Variants in RUNX2 observed in about 807,000 individuals in gnomAD.
RUNX2 encodes runt-related transcription factor 2.
In RUNX2, 10 loss-of-function variants were observed where a neutral mutation model predicts 51.7. The observed-to-expected ratio is 0.19, with a 90% CI of 0.12 to 0.33. The LOEUF is 0.33. Ranked by LOEUF, RUNX2 falls within the 10% of genes least tolerant of loss-of-function variation. RUNX2 has a pLI of 1.00. For missense variants in RUNX2, 562 were observed against 691.3 expected, an observed-to-expected ratio of 0.81 and a Z score of 2.10; for synonymous variants, 276 against 273.6, an observed-to-expected ratio of 1.01 and a Z score of -0.09.
intron 7 of RUNX2, among the ~76,000 whole-genome samples, chr6:45,535,327 G>A (rs1410280824): frequency 2.0e-5 from 3 of 152,132 alleles, no homozygotes; most frequent in Non-Finnish European, 2.9e-5. Flanking sequence ...CAAATGGGCC[G>A]GGGGCAGTGG....
At chr6:45,379,344 A>G (rs1563059680) in intron 2 of RUNX2, among the ~76,000 whole-genome samples, 1 of 152,234 alleles carries the variant, frequency 6.6e-6, no homozygotes, top group Non-Finnish European at 1.5e-5. Flanking sequence ...AGCTCTTTTG[A>G]GTACATTACC....
chr6:45,376,705 T>C (rs948374677), intron 2 of RUNX2, among the ~76,000 whole-genome samples: 4 of 152,240 alleles, frequency 2.6e-5, no homozygotes, highest in African/African-American at 9.6e-5. Context: ...CTGTTTCTCA[T>C]AGGCAAATTC....
At chr6:45,486,753 T>G (rs1347923499) in intron 5 of RUNX2, among the ~76,000 whole-genome samples, 1 of 152,204 alleles carries the variant, frequency 6.6e-6, no homozygotes, top group Non-Finnish European at 1.5e-5. Context: ...AATGTAAGTT[T>G]CTGGCTGGGG....
intron 5 of RUNX2, among the ~76,000 whole-genome samples, chr6:45,441,464 T>C (rs1798840679): frequency 6.6e-6 from 1 of 152,244 alleles, no homozygotes; most frequent in African/African-American, 2.4e-5. Flanking sequence ...ACCTTCCTCA[T>C]CAGTTGCTGC....
Position 45,424,599 on chromosome 6 carries a change from C to T in RUNX2, c.423+1642C>T, listed in dbSNP as rs1798333750. The stretch of plus-strand genomic sequence containing the variant: ...GTTTCTCCGCTGGGGACCCTGGGGC[C>T]AAACTCCCACGGGCCACTGACAGTT... On this transcript the variant is annotated intron_variant, in intron 3 of 8. Coordinates refer to ENST00000647337, the MANE Select transcript of RUNX2 (RefSeq NM_001024630.4). Among the ~76,000 whole-genome samples the T allele has an allele frequency of 3.9e-5, 6 of 152,146 alleles. 1 individual carries two copies. The South Asian group carries it at 1.2e-3, about 32-fold the overall frequency.
At chr6:45,517,310 T>C (rs907233724) in intron 7 of RUNX2, among the ~76,000 whole-genome samples, 1 of 152,038 alleles carries the variant, frequency 6.6e-6, no homozygotes, top group African/African-American at 2.4e-5. Context: ...GCCTCCTGAG[T>C]AGCTGGGACT....
At chr6:45,371,459 T>A (rs1417439956) in intron 2 of RUNX2, among the ~76,000 whole-genome samples, 1 of 151,118 alleles carries the variant, frequency 6.6e-6, no homozygotes, top group African/African-American at 2.4e-5. Context: ...ATGAGGAAAC[T>A]AAGACTGGCT....
At chr6:45,537,052 A>C (rs958189761) in intron 7 of RUNX2, among the ~76,000 whole-genome samples, 1 of 152,118 alleles carries the variant, frequency 6.6e-6, no homozygotes, top group Non-Finnish European at 1.5e-5. Flanking sequence ...CCCTTTTAGG[A>C]TGGAAATGTT....
intron 7 of RUNX2, among the ~76,000 whole-genome samples, chr6:45,525,945 T>C (rs4714859): frequency 0.36 from 54,060 of 151,548 alleles, 11,093 homozygotes; most frequent in African/African-American, 0.58. Flanking sequence ...TAAGCTGAGA[T>C]TGTGCCACTG....
At chr6:45,460,287 A>C (rs1483005460) in intron 5 of RUNX2, among the ~76,000 whole-genome samples, 1 of 152,204 alleles carries the variant, frequency 6.6e-6, no homozygotes, top group Admixed American at 6.5e-5. Flanking sequence ...GTCCCAAAGA[A>C]TGTGGTATTC....
intron 5 of RUNX2, among the ~76,000 whole-genome samples, chr6:45,458,119 T>C (rs928946720): frequency 1.2e-4 from 18 of 150,726 alleles, no homozygotes; most frequent in Admixed American, 2.0e-4. Flanking sequence ...CTCCGCCTCC[T>C]GGGTTCAAGA....
chr6:45,471,499 T>G (rs1249934544), intron 5 of RUNX2, among the ~76,000 whole-genome samples: 1 of 150,960 alleles, frequency 6.6e-6, no homozygotes, highest in East Asian at 1.9e-4. Flanking sequence ...GGCTGGAGTG[T>G]GGTGGCGCGA....
chr6:45,514,385 A>G (rs530911259), intron 7 of RUNX2, among the ~76,000 whole-genome samples: 14 of 152,312 alleles, frequency 9.2e-5, no homozygotes, highest in African/African-American at 3.1e-4. Flanking sequence ...GGGAGGCAGG[A>G]GCAGAAACTG....
chr6:45,457,328 T>G (rs1799344882), intron 5 of RUNX2, among the ~76,000 whole-genome samples: 1 of 152,180 alleles, frequency 6.6e-6, no homozygotes, highest in African/African-American at 2.4e-5. Context: ...AGAAGAAGGC[T>G]GCAAGTCAGG....
At chr6:45,453,498 T>G (rs1799232594) in intron 5 of RUNX2, among the ~76,000 whole-genome samples, 1 of 152,082 alleles carries the variant, frequency 6.6e-6, no homozygotes, top group Non-Finnish European at 1.5e-5. Context: ...CCACAAAAAG[T>G]GTTTGATTAT....
intron 6 of RUNX2, among the ~76,000 whole-genome samples, chr6:45,510,987 C>T (rs192966590): frequency 3.3e-5 from 5 of 152,082 alleles, no homozygotes; most frequent in African/African-American, 1.2e-4. Flanking sequence ...TTCCAAAGTC[C>T]GTGCATATTC....
intron 3 of RUNX2, among the ~76,000 whole-genome samples, chr6:45,428,347 T>C (rs1183682919): frequency 1.3e-5 from 2 of 152,140 alleles, no homozygotes; most frequent in African/African-American, 4.8e-5. Context: ...CTCTCAAACA[T>C]ATAATTATAC....
At chr6:45,505,876 G>A (rs950103680) in intron 6 of RUNX2, among the ~76,000 whole-genome samples, 3 of 152,286 alleles carry the variant, frequency 2.0e-5, no homozygotes, top group East Asian at 1.9e-4. Flanking sequence ...TCTTTAGAGC[G>A]TTTTTAAAAA....
intron 3 of RUNX2, among the ~76,000 whole-genome samples, chr6:45,423,662 C>G (rs901718728): frequency 6.6e-6 from 1 of 151,928 alleles, no homozygotes; most frequent in Non-Finnish European, 1.5e-5. Context: ...CGGGAGGGTC[C>G]TGGACAAACC....
Sources: allele counts gnomAD v4.1 joint callset (sites outside exome capture counted in the v4.1 genomes callset), GRCh38; gene constraint gnomAD v4.1.1; transcripts MANE v1.5; gene names NCBI Gene and HGNC (gene_info 2026-07-23, HGNC 2026-07-21).